The following COL6A3 variants were observed in gnomAD, a reference collection of about 807,000 sequenced individuals.
COL6A3 encodes the protein collagen type VI alpha 3 chain.
COL6A3 carries 137 observed loss-of-function variants against 274.1 expected under a neutral mutation model. The ratio of observed to expected loss-of-function variants is 0.50; its 90% CI spans 0.44 to 0.58. COL6A3 has a LOEUF of 0.58. COL6A3 is among the 20% of genes least tolerant of loss of function. The pLI, the probability that COL6A3 is intolerant of heterozygous loss-of-function variation, is 0.00. For synonymous variants in COL6A3, 1,650 were observed against 1,650.6 expected, an observed-to-expected ratio of 1.00 and a Z score of 0.01; for missense variants, 3,950 against 4,124.9, an observed-to-expected ratio of 0.96 and a Z score of 1.16.
At chr2:237,345,670 C>T (rs1467086086) in intron 32 of COL6A3, among the ~76,000 whole-genome samples, 1 of 152,182 alleles carries the variant, frequency 6.6e-6, no homozygotes, top group Non-Finnish European at 1.5e-5. Context: ...CGTGGCTTCC[C>T]TCAGTGTCCC....
chr2:237,365,927 C>A lies in COL6A3; in HGVS notation c.5609G>T (p.Ser1870Ile). 1.2e-6 allele frequency: 2 copies of A among 1,614,176 alleles called. No individual in the cohort carries two copies. The highest frequency in any genetic ancestry group is 1.7e-6 in the Non-Finnish European group (2 of 1,180,026). ...SKVDAILNRISQMHRVSCSGG... is the reference protein window; with the variant it reads ...SKVDAILNRIIQMHRVSCSGG... ...GCTGCAGCTGACCCTGTGCATCTGG[C>A]TGATTCTGTTCAAGATGGCGTCCAC... The change falls in exon 12 of 44, where the codon AGC becomes ATC. Residue 1870 changes from serine (S) to isoleucine (I), a missense_variant. Coordinates refer to ENST00000295550, the MANE Select transcript of COL6A3 (RefSeq NM_004369.4).
chr2:237,331,041 C>T (rs1022915162), intron 42 of COL6A3, among the ~76,000 whole-genome samples: 1 of 152,104 alleles, frequency 6.6e-6, no homozygotes, highest in Admixed American at 6.5e-5. Flanking sequence ...AAGAAAGGGA[C>T]CCATCTCTGT....
chr2:237,340,484 C>A lies in COL6A3; in HGVS notation c.8432G>T (p.Arg2811Leu), dbSNP rs769656291. ...STELNEEPLMRFGRLLPSFVS... is the reference protein window; with the variant it reads ...STELNEEPLMLFGRLLPSFVS... Reference sequence around the variant, plus strand: ...GAAGGATGGCAACAGCCTCCCGAAGCGCATCAAAGGCTCCTCGTTGAGCTC... The same window carrying A: ...GAAGGATGGCAACAGCCTCCCGAAGAGCATCAAAGGCTCCTCGTTGAGCTC... Residue 2811 changes from arginine (R) to leucine (L), a missense_variant, in exon 38 of 44, where the codon CGC (arginine) becomes CTC (leucine). By Grantham distance (102) the Arg-to-Leu change is moderately radical. This residue lies in a region of COL6A3 where 1,284 missense variants were observed against 1,349.7 expected (regional missense o/e 0.95). Coordinates refer to ENST00000295550, the MANE Select transcript of COL6A3 (RefSeq NM_004369.4). 2 of 1,613,868 alleles carry A rather than the reference C, an allele frequency of 1.2e-6. No individual in the cohort carries two copies. Among genetic ancestry groups the A allele is most frequent in the Non-Finnish European group, 1.7e-6 (2 of 1,180,024 alleles).
chr2:237,363,226 G>C (rs757403185), intron 14 of COL6A3, 27 bp downstream of exon 14: 2 of 1,608,708 alleles, frequency 1.2e-6, no homozygotes, highest in Admixed American at 3.4e-5. Context: ...ACACTGGTCT[G>C]TGTATAAAGA....
At chr2:237,352,717 A>G in intron 25 of COL6A3, 133 bp from the exon 26 acceptor site, 1 of 788,324 alleles carries the variant, frequency 1.3e-6, no homozygotes, top group Non-Finnish European at 2.2e-6. Context: ...AAAACCCACA[A>G]TTATCCTGTC....
intron 28 of COL6A3, among the ~76,000 whole-genome samples, chr2:237,349,314 A>G (rs1302952470): frequency 1.3e-5 from 2 of 152,242 alleles, no homozygotes; most frequent in East Asian, 3.8e-4. Context: ...GTTAATTTAC[A>G]GTTTTCAACA....
Position 237,374,938 on chromosome 2 carries a change from G to T in COL6A3, c.3153C>A (p.Val1051=). 1.2e-6 allele frequency: 2 copies of T among 1,613,872 alleles called. No homozygotes were observed. The highest frequency in any genetic ancestry group is 2.2e-5 in the South Asian group (2 of 91,070). Residue 1051 remains valine (V), a synonymous_variant, in exon 8 of 44, where the codon GTC becomes GTA. Transcript: ENST00000295550. The surrounding 1 kb of genome is among the most constrained non-coding windows in gnomAD (Gnocchi z 4.8). The stretch of plus-strand genomic sequence containing the variant: ...CATCCAGGCTTTCCACCACTCTCTG[G>T]ACAAACTCTTTCAACAGAGGGAAGC... The part of the protein sequence containing the change: ...RSGFPLLKEF[V]QRVVESLDVG...
intron 1 of COL6A3, among the ~76,000 whole-genome samples, chr2:237,404,644 T>C (rs1459732097): frequency 2.0e-5 from 3 of 152,100 alleles, no homozygotes; most frequent in South Asian, 2.1e-4. Flanking sequence ...AGAGCACAAG[T>C]GAATTATGCC....
Position 237,366,931 on chromosome 2 carries a change from T to C in COL6A3, c.5256A>G (p.Gly1752=). Residue 1752 remains glycine, a synonymous_variant, in exon 11 of 44, where the codon GGA becomes GGG. Transcript: ENST00000295550. Reference sequence around the variant, plus strand: ...CCTGTGCATCTTCCACCGACTTTCCTCCCGTGATCACAAAGGCAATCTGAG... The same window carrying C: ...CCTGTGCATCTTCCACCGACTTTCCCCCCGTGATCACAAAGGCAATCTGAG... ...RVPQIAFVIT[G]GKSVEDAQDV... 6.2e-7 allele frequency: 1 copy of C among 1,614,178 alleles called. No homozygotes were observed. The highest frequency in any genetic ancestry group is 1.3e-5 in the African/African-American group (1 of 75,034).
chr2:237,402,057 C>T (rs2078604603), intron 1 of COL6A3, among the ~76,000 whole-genome samples: 1 of 152,118 alleles, frequency 6.6e-6, no homozygotes, highest in Non-Finnish European at 1.5e-5. Context: ...GAATGAAATC[C>T]TTTTATCTAC....
In COL6A3 at chr2:237,388,066, A is replaced by C; in HGVS notation, c.828T>G (p.Thr276=). 1 of 1,614,218 alleles carries C rather than the reference A, an allele frequency of 6.2e-7. No individual in the cohort carries two copies. The highest frequency in any genetic ancestry group is 2.2e-5 in the East Asian group (1 of 44,888). The part of the protein sequence containing the change: ...VNLLEKLPIG[T]QQIRVGVVQF... Reference sequence around the variant, plus strand: ...GGACCACCCCCACTCGGATCTGCTGAGTTCCAATTGGGAGTTTCTCAAGGA... The same window carrying C: ...GGACCACCCCCACTCGGATCTGCTGCGTTCCAATTGGGAGTTTCTCAAGGA... The change falls in exon 4 of 44, where the codon ACT becomes ACG. Residue 276 remains threonine (T), a synonymous_variant. Coordinates refer to ENST00000295550, the MANE Select transcript of COL6A3 (RefSeq NM_004369.4).
At position 237,336,377 on chromosome 2, in the gene COL6A3, G is replaced by T. The variant is rs1273582150; in HGVS notation, c.8723C>A (p.Ala2908Asp). The change falls in exon 40 of 44, where the codon GCC becomes GAC. Residue 2908 changes from alanine (A) to aspartate (D), a missense_variant. Transcript: ENST00000295550. Reference protein sequence around the residue: ...TIINQPSVKPAAAKPAPAKPV... With the variant: ...TIINQPSVKPDAAKPAPAKPV... ...TTTCGCAGGGGCCGGCTTTGCAGCGGCTGGCTTCACAGATGGCTGATTTAT... is the reference window on the plus strand; with the variant it reads ...TTTCGCAGGGGCCGGCTTTGCAGCGTCTGGCTTCACAGATGGCTGATTTAT... 1 of 1,614,246 alleles carries T rather than the reference G, an allele frequency of 6.2e-7. No individual in the cohort carries two copies. The highest frequency in any genetic ancestry group is 1.1e-5 in the South Asian group (1 of 91,084).
chr2:237,374,459 T>G lies in COL6A3; in HGVS notation c.3632A>C (p.Glu1211Ala), dbSNP rs1389208511. Residue 1211 changes from glutamate to alanine, a missense_variant, in exon 8 of 44, where the codon GAG (glutamate) becomes GCG (alanine). By Grantham distance (107) the Glu-to-Ala change is moderately radical. Around this residue, in one of 5 missense-constraint regions of COL6A3, gnomAD observed 1,934 missense variants for 1,984.3 expected, o/e 0.97. Coordinates refer to ENST00000295550, the MANE Select transcript of COL6A3 (RefSeq NM_004369.4). The surrounding 1 kb of genome is among the most constrained non-coding windows in gnomAD (Gnocchi z 4.8). ...CACCGGCTGCAGCCTGCTCAGCTCC[T>G]CGCGGGTGAGCTGGGTCACCCTCTC... ...ISERVTQLTR[E>A]ELSRLQPVLQ... 2 of 1,613,868 alleles carry G rather than the reference T, an allele frequency of 1.2e-6. No homozygotes were observed. Among genetic ancestry groups the G allele is most frequent in the Admixed American group, 3.3e-5 (2 of 60,028 alleles).
In COL6A3 at chr2:237,368,456, A is replaced by C. The variant is rs2077604402; in HGVS notation, c.4900+107T>G. 1 of 1,370,038 alleles carries C rather than the reference A, an allele frequency of 7.3e-7. No homozygotes were observed. Among genetic ancestry groups the C allele is most frequent in the African/African-American group, 1.5e-5 (1 of 67,920 alleles). The allele number at this position is 1,370,038 out of a possible 1,614,324, so 84.9% of individuals were successfully genotyped here. ...TTAATTTCTAATATTATCTGAAGAA[A>C]CAACCCAGAGAGAAGAAAATTATTA... is the stretch of plus-strand genomic sequence containing the variant. On this transcript the variant is annotated intron_variant, in intron 10 of 43. Transcript: ENST00000295550. This position sits in a 1 kb window ranked among gnomAD's most constrained non-coding sequence, Gnocchi z 4.4.
intron 4 of COL6A3, among the ~76,000 whole-genome samples, chr2:237,382,633 T>C (rs1213133006): frequency 6.6e-6 from 1 of 152,300 alleles, no homozygotes; most frequent in South Asian, 2.1e-4. Context: ...AAACCTGAGA[T>C]GGACTGTTTT....
rs774764179 is a variant in COL6A3, at chr2:237,374,628, C to T, written c.3463G>A (p.Val1155Met). ...ATGGGCACAGCCCCACCCCTCTTCA[C>T]GACCACGGAGGGGTTCCGCACATCA... ...GDDVRNPSVV[V>M]KRGGAVPIGI... The change falls in exon 8 of 44, where the codon GTG becomes ATG. Residue 1155 changes from valine (V) to methionine (M), a missense_variant. Val to Met is a conservative substitution (Grantham distance 21, BLOSUM62 1). This residue lies in a region of COL6A3 where 1,934 missense variants were observed against 1,984.3 expected (regional missense o/e 0.97). Transcript: ENST00000295550. This position sits in a 1 kb window ranked among gnomAD's most constrained non-coding sequence, Gnocchi z 4.8. 30 of 1,614,072 alleles carry T rather than the reference C, an allele frequency of 1.9e-5. No individual in the cohort carries two copies. The highest frequency in any genetic ancestry group is 6.7e-5 in the African/African-American group (5 of 74,948).
At position 237,366,820 on chromosome 2, in the gene COL6A3, T is replaced by C. The variant is rs2077564894; in HGVS notation, c.5367A>G (p.Ile1789Met). 6.2e-7 allele frequency: 1 copy of C among 1,614,280 alleles called. No individual in the cohort carries two copies. Among genetic ancestry groups the C allele is most frequent in the Non-Finnish European group, 8.5e-7 (1 of 1,180,058 alleles). Reference protein sequence around the residue: ...RNIDSEEVGKIASNSATAFRV... With the variant: ...RNIDSEEVGKMASNSATAFRV... ...GGAACGCTGTGGCGCTGTTGGACGCTATCTTTCCAACCTCCTCCGAGTCGA... is the reference window on the plus strand; with the variant it reads ...GGAACGCTGTGGCGCTGTTGGACGCCATCTTTCCAACCTCCTCCGAGTCGA... Residue 1789 changes from isoleucine to methionine, a missense_variant, in exon 11 of 44, where the codon ATA becomes ATG. Physicochemically the swap from Ile to Met is conservative, Grantham distance 10 (BLOSUM62 1). This residue lies in a region of COL6A3 where 632 missense variants were observed against 623.4 expected (regional missense o/e 1.01). Transcript: ENST00000295550.
chr2:237,411,993 A>G (rs2078868163), intron 1 of COL6A3, among the ~76,000 whole-genome samples: 1 of 152,176 alleles, frequency 6.6e-6, no homozygotes, highest in Admixed American at 6.5e-5. Flanking sequence ...TCACCCCAAC[A>G]TGGAATTCCT....
In COL6A3 at chr2:237,334,810, G is replaced by A. The variant is rs144834964; in HGVS notation, c.9045C>T (p.Pro3015=). The part of the protein sequence containing the change: ...AKLHWERAEP[P]GPYFYDLTVT... ...CGGTGAGGTCATAAAAATAAGGACC[G>A]GGGGGCTCAGCCCTCTCCCAGTGGA... The change falls in exon 41 of 44, where the codon CCC becomes CCT. Residue 3015 remains proline, a synonymous_variant. Coordinates refer to ENST00000295550, the MANE Select transcript of COL6A3 (RefSeq NM_004369.4). 8.1e-5 allele frequency: 130 copies of A among 1,614,064 alleles called. No individual in the cohort carries two copies. Among genetic ancestry groups the A allele is most frequent in the Middle Eastern group, 5.0e-4 (3 of 6,060 alleles).
Sources: gnomAD v4.1 joint callset for allele counts (sites outside exome capture counted in the v4.1 genomes callset) on GRCh38, gnomAD v4.1.1 for gene constraint, gnomAD v4.1.1 regional missense constraint, Gnocchi (gnomAD v3.1) non-coding constraint, MANE v1.5 for transcripts, NCBI Gene and HGNC (gene_info 2026-07-23, HGNC 2026-07-21) for gene names.